Variants in FASTKD5 observed in about 807,000 individuals in gnomAD.
FASTKD5 encodes the protein FAST kinase domains 5.
FASTKD5 carries 30 observed loss-of-function variants against 44.0 expected under a neutral mutation model. That is an observed-to-expected ratio of 0.68 (90% CI 0.51 to 0.93). The LOEUF (loss-of-function observed/expected upper bound fraction) is 0.93, where lower values mean the gene tolerates loss of function less well. Among genes scored for constraint, FASTKD5 ranks in the 40% least tolerant of loss-of-function variants. The pLI is 0.00. For missense variants in FASTKD5, 868 were observed against 908.2 expected, an observed-to-expected ratio of 0.96 and a Z score of 0.57; for synonymous variants, 335 against 342.2, an observed-to-expected ratio of 0.98 and a Z score of 0.23.
chr20:3,146,923 T>C lies in FASTKD5; in HGVS notation c.2148A>G (p.Gly716=), dbSNP rs536676891. ...GCTGCCGCCTCTTCATATTGTGCAG[T>C]CCAAGGAGATCCCTGGAGCCATAGC... is the stretch of plus-strand genomic sequence containing the variant. The part of the protein sequence containing the change: ...QYCYGSRDLL[G]LHNMKRRQLA... The change falls in exon 2 of 2, where the codon GGA becomes GGG. Residue 716 remains glycine, a synonymous_variant. Transcript: ENST00000380266. 2 of 1,614,132 alleles carry C rather than the reference T, an allele frequency of 1.2e-6. No homozygotes were observed. The highest frequency in any genetic ancestry group is 1.7e-6 in the Non-Finnish European group (2 of 1,180,026).
Position 3,149,949 on chromosome 20 carries a change from G to A in FASTKD5, c.-190-689C>T, listed in dbSNP as rs1333948023. 1.3e-5 allele frequency among the ~76,000 whole-genome samples: 2 copies of A among 151,424 alleles called. No homozygotes were observed. The highest frequency in any genetic ancestry group is 2.4e-5 in the African/African-American group (1 of 41,128). ...CAGGAGAATCCCTTGAACCCAGGAG[G>A]CAGAGGTTGCGGTGAGCCAAGACCG... On this transcript the variant is annotated intron_variant, in intron 1 of 1. Transcript: ENST00000380266. This position sits in a 1 kb window ranked among gnomAD's most constrained non-coding sequence, Gnocchi z 4.1.
At position 3,148,022 on chromosome 20, in the gene FASTKD5, T is replaced by G; in HGVS notation, c.1049A>C (p.His350Pro). ...IGDLACANIQHLSSRSLVNIV... is the reference protein window; with the variant it reads ...IGDLACANIQPLSSRSLVNIV... ...ATTCACTAAGGAGCGACTACTCAGA[T>G]GCTGAATGTTAGCACAAGCCAAGTC... The change falls in exon 2 of 2, where the codon CAT (histidine) becomes CCT (proline). Residue 350 changes from histidine (H) to proline (P), a missense_variant. Coordinates refer to ENST00000380266, the MANE Select transcript of FASTKD5 (RefSeq NM_021826.5). The G allele has an allele frequency of 4.3e-6, 7 of 1,614,210 alleles. No homozygotes were observed. The highest frequency in any genetic ancestry group is 5.9e-6 in the Non-Finnish European group (7 of 1,180,046).
rs1377295153 is a variant in FASTKD5, at chr20:3,147,482, C to T, written c.1589G>A (p.Gly530Asp). 1 of 1,614,038 alleles carries T rather than the reference C, an allele frequency of 6.2e-7. No individual in the cohort carries two copies. Among genetic ancestry groups the T allele is most frequent in the East Asian group, 2.2e-5 (1 of 44,892 alleles). ...TVGIECPDYR[G>D]NRLSTHLQQE... ...CTGAAGGTGAGTACTAAGACGATTGCCTCTGTAATCTGGACACTCAATGCC... is the reference window on the plus strand; with the variant it reads ...CTGAAGGTGAGTACTAAGACGATTGTCTCTGTAATCTGGACACTCAATGCC... The change falls in exon 2 of 2, where the codon GGC (glycine) becomes GAC (aspartate). Residue 530 changes from glycine (G) to aspartate (D), a missense_variant. Physicochemically the swap from Gly to Asp is moderately conservative, Grantham distance 94. Coordinates refer to ENST00000380266, the MANE Select transcript of FASTKD5 (RefSeq NM_021826.5).
chr20:3,147,574 G>A lies in FASTKD5; in HGVS notation c.1497C>T (p.Val499=). The A allele has an allele frequency of 6.2e-7, 1 of 1,614,146 alleles. No individual in the cohort carries two copies. Among genetic ancestry groups the A allele is most frequent in the South Asian group, 1.1e-5 (1 of 91,074 alleles). The change falls in exon 2 of 2, where the codon GTC becomes GTT. Residue 499 remains valine (V), a synonymous_variant. Coordinates refer to ENST00000380266, the MANE Select transcript of FASTKD5 (RefSeq NM_021826.5). The part of the protein sequence containing the change: ...LIDFALSPGF[V]RLAQERTKFD... ...ACTTAGTTCTCTCCTGAGCTAACCT[G>A]ACAAACCCTGGACTGAGAGCGAAAT...
At chr20:3,158,537 G>A (rs886983147) in intron 1 of FASTKD5, among the ~76,000 whole-genome samples, 1 of 152,052 alleles carries the variant, frequency 6.6e-6, no homozygotes. Context: ...GCAGTGGCGC[G>A]ATCTCGGCTC....
chr20:3,149,125 A>C lies in FASTKD5; in HGVS notation c.-55T>G, dbSNP rs2066599451. 1 of 1,537,242 alleles carries C rather than the reference A, an allele frequency of 6.5e-7. No homozygotes were observed. Among genetic ancestry groups the C allele is most frequent in the Non-Finnish European group, 8.7e-7 (1 of 1,142,996 alleles). On this transcript the variant is annotated 5_prime_UTR_variant, in exon 2 of 2. Transcript: ENST00000380266. This position sits in a 1 kb window ranked among gnomAD's most constrained non-coding sequence, Gnocchi z 4.1. ...TCAGAATACAGTCCTCACAGATTTG[A>C]CCAGGCAATTTCTTGTTTATATGGT...
rs747802573 is a variant in FASTKD5 at position 3,147,465 on chromosome 20, G to A, written c.1606C>T (p.His536Tyr). 6.2e-7 allele frequency: 1 copy of A among 1,614,044 alleles called. No homozygotes were observed. Among genetic ancestry groups the A allele is most frequent in the African/African-American group, 1.3e-5 (1 of 74,910 alleles). ...PDYRGNRLSTHLQQEGSELLW... is the reference protein window; with the variant it reads ...PDYRGNRLSTYLQQEGSELLW... Reference sequence around the variant, plus strand: ...AATTCAGACCCCTCTTGCTGAAGGTGAGTACTAAGACGATTGCCTCTGTAA... The same window carrying A: ...AATTCAGACCCCTCTTGCTGAAGGTAAGTACTAAGACGATTGCCTCTGTAA... The change falls in exon 2 of 2, where the codon CAC (histidine) becomes TAC (tyrosine). Residue 536 changes from histidine (H) to tyrosine (Y), a missense_variant. By Grantham distance (83) the His-to-Tyr change is moderately conservative. Coordinates refer to ENST00000380266, the MANE Select transcript of FASTKD5 (RefSeq NM_021826.5).
chr20:3,154,664 A>T (rs1355938320), intron 1 of FASTKD5, among the ~76,000 whole-genome samples: 1 of 152,138 alleles, frequency 6.6e-6, no homozygotes, highest in Admixed American at 6.5e-5. Flanking sequence ...ACAGAGAGAG[A>T]CCCTATCTCA....
chr20:3,148,804 A>G lies in FASTKD5; in HGVS notation c.267T>C (p.Ser89=). 6.2e-7 allele frequency: 1 copy of G among 1,614,220 alleles called. No individual in the cohort carries two copies. Among genetic ancestry groups the G allele is most frequent in the African/African-American group, 1.3e-5 (1 of 75,060 alleles). The part of the protein sequence containing the change: ...EFSKTSSSKA[S]TLQLGSPRAT... The stretch of plus-strand genomic sequence containing the variant: ...CCCTGGGTGAGCCCAGCTGCAATGT[A>G]CTGGCCTTAGAGGAAGAAGTCTTGC... Residue 89 remains serine (S), a synonymous_variant, in exon 2 of 2, where the codon AGT becomes AGC. Transcript: ENST00000380266.
intron 1 of FASTKD5, among the ~76,000 whole-genome samples, chr20:3,155,527 T>C (rs1043671917): frequency 2.0e-5 from 3 of 150,842 alleles, no homozygotes; most frequent in Non-Finnish European, 4.4e-5. Flanking sequence ...CGAAACTCCA[T>C]CTCAAAAAAA....
intron 1 of FASTKD5, among the ~76,000 whole-genome samples, chr20:3,156,272 TTTAAG>T (rs1171563597): frequency 6.7e-6 from 1 of 148,850 alleles, no homozygotes; most frequent in Non-Finnish European, 1.5e-5. Context: ...GCATCCCGGG[TTTAAG>T]TAATTCTCCT....
In FASTKD5 at chr20:3,147,281, T is replaced by A; in HGVS notation, c.1790A>T (p.Asn597Ile). 6.2e-7 allele frequency: 1 copy of A among 1,614,208 alleles called. No homozygotes were observed. Among genetic ancestry groups the A allele is most frequent in the Non-Finnish European group, 8.5e-7 (1 of 1,180,046 alleles). Residue 597 changes from asparagine to isoleucine, a missense_variant, in exon 2 of 2, where the codon AAC becomes ATC. Asn to Ile is a moderately radical substitution (Grantham distance 149). Transcript: ENST00000380266. ...TCTATTAAATGGTAATGGCTTCAGG[T>A]TAACATCAAGCTGGACCTCTAAGTC... Reference protein sequence around the residue: ...SSDLEVQLDVNLKPLPFNREA... With the variant: ...SSDLEVQLDVILKPLPFNREA...
intron 1 of FASTKD5, among the ~76,000 whole-genome samples, chr20:3,153,165 A>G (rs2066649111): frequency 6.6e-6 from 1 of 152,234 alleles, no homozygotes; most frequent in South Asian, 2.1e-4. Context: ...AAATTACTTC[A>G]ATTAATTCTA....
rs778326446 is a variant in FASTKD5 at position 3,148,244 on chromosome 20, A to C, written c.827T>G (p.Leu276Arg). The change falls in exon 2 of 2, where the codon CTA becomes CGA. Residue 276 changes from leucine (L) to arginine (R), a missense_variant. Leu to Arg is a moderately radical substitution (Grantham distance 102). Coordinates refer to ENST00000380266, the MANE Select transcript of FASTKD5 (RefSeq NM_021826.5). ...SSYLNLHWKD[L>R]SLSQLVHLIY... Reference sequence around the variant, plus strand: ...TAAGTGAACTAGCTGAGACAAGGATAGATCCTTCCAGTGCAAATTAAGATA... The same window carrying C: ...TAAGTGAACTAGCTGAGACAAGGATCGATCCTTCCAGTGCAAATTAAGATA... 6.2e-7 allele frequency: 1 copy of C among 1,613,352 alleles called. No homozygotes were observed. Among genetic ancestry groups the C allele is most frequent in the Non-Finnish European group, 8.5e-7 (1 of 1,179,906 alleles).
intron 1 of FASTKD5, among the ~76,000 whole-genome samples, chr20:3,158,535 G>A (rs1426587197): frequency 2.6e-5 from 4 of 152,038 alleles, no homozygotes; most frequent in Non-Finnish European, 5.9e-5. Context: ...GTGCAGTGGC[G>A]CGATCTCGGC....
In FASTKD5 at chr20:3,147,582, C is replaced by T. The variant is rs781180016; in HGVS notation, c.1489G>A (p.Gly497Arg). The change falls in exon 2 of 2, where the codon GGG (glycine) becomes AGG (arginine). Residue 497 changes from glycine to arginine, a missense_variant. Coordinates refer to ENST00000380266, the MANE Select transcript of FASTKD5 (RefSeq NM_021826.5). ...CTCTCCTGAGCTAACCTGACAAACC[C>T]TGGACTGAGAGCGAAATCAATTAAC... ...VELIDFALSP[G>R]FVRLAQERTK... is the part of the protein sequence containing the mutation. The T allele has an allele frequency of 4.3e-6, 7 of 1,614,052 alleles. No individual in the cohort carries two copies. In the African/African-American group the frequency reaches 6.7e-5, roughly 15 times the overall value.
In FASTKD5 at chr20:3,159,759, C is replaced by G. The variant is rs1400141570; in HGVS notation, c.-191+7G>C. 1 of 152,416 alleles carries G rather than the reference C, an allele frequency of 6.6e-6. No individual in the cohort carries two copies. Among genetic ancestry groups the G allele is most frequent in the East Asian group, 1.9e-4 (1 of 5,188 alleles). 9.4% of individuals were successfully genotyped at this position (152,416 alleles called of 1,614,324 possible). On this transcript the variant is annotated splice_region_variant and intron_variant, in intron 1 of 1. Transcript: ENST00000380266. ...CCGCGACCTCCTCCCCGGCCGCCGC[C>G]ACTCACCTGATCCTCCCGAAGGTGG... is the stretch of plus-strand genomic sequence containing the variant.
intron 1 of FASTKD5, among the ~76,000 whole-genome samples, chr20:3,150,142 C>T (rs1437993962): frequency 1.3e-5 from 2 of 152,122 alleles, no homozygotes; most frequent in South Asian, 2.1e-4. Flanking sequence ...TTAGAAGATG[C>T]CTACTCTCCT....
chr20:3,148,134 T>C lies in FASTKD5; in HGVS notation c.937A>G (p.Ile313Val). The stretch of plus-strand genomic sequence containing the variant: ...ATGGTACCAACCTCCTCCAAATTGA[T>C]CAAATCTATATATTTAAGGATCAAT... ...ESLILKYIDL[I>V]NLEEVGTICL... Residue 313 changes from isoleucine to valine, a missense_variant, in exon 2 of 2, where the codon ATC becomes GTC. Transcript: ENST00000380266. The C allele has an allele frequency of 6.2e-7, 1 of 1,613,948 alleles. No individual in the cohort carries two copies. Among genetic ancestry groups the C allele is most frequent in the African/African-American group, 1.3e-5 (1 of 75,044 alleles).
Sources: gnomAD v4.1 joint callset for allele counts (sites outside exome capture counted in the v4.1 genomes callset) on GRCh38, gnomAD v4.1.1 for gene constraint, Gnocchi (gnomAD v3.1) non-coding constraint, MANE v1.5 for transcripts, NCBI Gene and HGNC (gene_info 2026-07-23, HGNC 2026-07-21) for gene names.